The following ZNF521 variants were observed in gnomAD, a reference collection of about 807,000 sequenced individuals.
ZNF521 encodes the protein zinc finger protein 521, also known as LYST-interacting protein 3.
In ZNF521, 14 loss-of-function variants were observed where a neutral mutation model predicts 105.5. That is an observed-to-expected ratio of 0.13 (90% CI 0.09 to 0.21). The LOEUF (loss-of-function observed/expected upper bound fraction) is 0.21. Among genes scored for constraint, ZNF521 ranks in the 10% least tolerant of loss-of-function variants. The pLI, the probability that ZNF521 is intolerant of heterozygous loss-of-function variation, is 1.00. For missense variants in ZNF521, 1,233 were observed against 1,629.7 expected, an observed-to-expected ratio of 0.76 and a Z score of 4.19; for synonymous variants, 635 against 606.0, an observed-to-expected ratio of 1.05 and a Z score of -0.70.
chr18:25,180,341 T>C (rs1009332665), intron 5 of ZNF521, among the ~76,000 whole-genome samples: 1 of 152,164 alleles, frequency 6.6e-6, no homozygotes, highest in Non-Finnish European at 1.5e-5. Flanking sequence ...ATTTATCCCA[T>C]GTGATGGTAC....
intron 3 of ZNF521, among the ~76,000 whole-genome samples, chr18:25,317,017 G>A (rs980178518): frequency 5.3e-5 from 8 of 152,014 alleles, no homozygotes; most frequent in South Asian, 2.1e-4. Context: ...ACTATGCCCT[G>A]CTAACTTTTT....
At chr18:25,131,552 T>C (rs187291263) in intron 5 of ZNF521, among the ~76,000 whole-genome samples, 2 of 152,130 alleles carry the variant, frequency 1.3e-5, no homozygotes, top group Admixed American at 1.3e-4. Flanking sequence ...AAGACAAATA[T>C]CTATCATGAC....
intron 3 of ZNF521, among the ~76,000 whole-genome samples, chr18:25,268,279 C>T (rs915943624): frequency 1.3e-5 from 2 of 152,034 alleles, no homozygotes; most frequent in African/African-American, 4.8e-5. Flanking sequence ...AAATATGAGA[C>T]TATGTGAAAA....
At chr18:25,197,240 T>C (rs1015211876) in intron 4 of ZNF521, among the ~76,000 whole-genome samples, 9 of 151,972 alleles carry the variant, frequency 5.9e-5, no homozygotes, top group African/African-American at 1.7e-4. Context: ...AACAAAGCCA[T>C]ATTCTTATCT....
At chr18:25,296,647 T>G (rs982714314) in intron 3 of ZNF521, among the ~76,000 whole-genome samples, 1 of 152,156 alleles carries the variant, frequency 6.6e-6, no homozygotes, top group African/African-American at 2.4e-5. Flanking sequence ...CATCTAACTT[T>G]CTTTCTGGGA....
chr18:25,307,844 A>G (rs2145095140), intron 3 of ZNF521, among the ~76,000 whole-genome samples: 1 of 152,242 alleles, frequency 6.6e-6, no homozygotes, highest in South Asian at 2.1e-4. Flanking sequence ...ACCTTACAGA[A>G]AGGCCCTTGC....
chr18:25,302,823 G>A (rs551272227), intron 3 of ZNF521: 1 of 152,144 alleles, frequency 6.6e-6, no homozygotes, highest in Non-Finnish European at 1.5e-5. Context: ...AGAGAAAAAG[G>A]TCTGCCCATA....
intron 6 of ZNF521, 114 bp downstream of exon 6, chr18:25,091,836 T>G: frequency 7.7e-7 from 1 of 1,304,228 alleles, no homozygotes; most frequent in Non-Finnish European, 1.0e-6. Flanking sequence ...TCCCCCCAAA[T>G]TGAACTGAAG....
At chr18:25,160,362 G>A (rs902698273) in intron 5 of ZNF521, among the ~76,000 whole-genome samples, 4 of 152,158 alleles carry the variant, frequency 2.6e-5, no homozygotes, top group African/African-American at 9.7e-5. Context: ...CTGTCCAGAG[G>A]GTGAATGAAT....
chr18:25,238,963 T>C (rs1049307434), intron 3 of ZNF521, among the ~76,000 whole-genome samples: 1 of 152,168 alleles, frequency 6.6e-6, no homozygotes, highest in African/African-American at 2.4e-5. Context: ...TTCTTTCCCC[T>C]GAATCACCTA....
intron 3 of ZNF521, among the ~76,000 whole-genome samples, chr18:25,295,325 T>C (rs1016763078): frequency 1.3e-5 from 2 of 152,210 alleles, no homozygotes; most frequent in African/African-American, 4.8e-5. Flanking sequence ...TTCTTGAGGA[T>C]AGCCATCATT....
In ZNF521 at chr18:25,242,044, C is replaced by T. The variant is rs573464016; in HGVS notation, c.221-14347G>A. Among the ~76,000 whole-genome samples, 4 of 152,196 alleles carry T rather than the reference C, an allele frequency of 2.6e-5. No individual in the cohort carries two copies. In the South Asian group the frequency reaches 6.2e-4, roughly 24 times the overall value. On this transcript the variant is annotated intron_variant, in intron 3 of 7. Transcript: ENST00000361524. ...CAAATTAATTTACTGCATCAGTGATCGATGTTTATGTTTAGGCAATTTTAT... is the reference window on the plus strand; with the variant it reads ...CAAATTAATTTACTGCATCAGTGATTGATGTTTATGTTTAGGCAATTTTAT...
intron 3 of ZNF521, chr18:25,231,634 G>T (rs1906534608): frequency 6.6e-6 from 1 of 152,202 alleles, no homozygotes; most frequent in African/African-American, 2.4e-5. Context: ...AATGCTGAGG[G>T]TTCTGGCCAC....
intron 7 of ZNF521, among the ~76,000 whole-genome samples, chr18:25,064,599 T>C (rs1266920061): frequency 6.6e-6 from 1 of 152,176 alleles, no homozygotes; most frequent in Non-Finnish European, 1.5e-5. Flanking sequence ...AGGGAGCCAT[T>C]GGAGTATTTT....
intron 5 of ZNF521, among the ~76,000 whole-genome samples, chr18:25,194,631 G>T (rs2035872751): frequency 6.6e-6 from 1 of 151,626 alleles, no homozygotes; most frequent in Non-Finnish European, 1.5e-5. Flanking sequence ...AATGATCACT[G>T]AATTCTTTAC....
chr18:25,259,909 G>C (rs1015565655), intron 3 of ZNF521, among the ~76,000 whole-genome samples: 13 of 152,170 alleles, frequency 8.5e-5, no homozygotes, highest in African/African-American at 3.1e-4. Context: ...ACAGCATGAG[G>C]ACAGGCCAAG....
At chr18:25,129,070 C>A (rs2034589550) in intron 5 of ZNF521, among the ~76,000 whole-genome samples, 1 of 151,610 alleles carries the variant, frequency 6.6e-6, no homozygotes, top group Non-Finnish European at 1.5e-5. Flanking sequence ...CTACAGAAAT[C>A]AAGATAGTAT....
intron 3 of ZNF521, among the ~76,000 whole-genome samples, chr18:25,290,607 CTTTT>C (rs35687026): frequency 1.7e-5 from 2 of 116,214 alleles, no homozygotes; most frequent in South Asian, 5.6e-4. Context: ...AGGCCATATT[CTTTT>C]TTTTTTTTTT....
chr18:25,185,965 C>T (rs1405767595), intron 5 of ZNF521, among the ~76,000 whole-genome samples: 3 of 152,030 alleles, frequency 2.0e-5, no homozygotes, highest in South Asian at 2.1e-4. Context: ...ACAGGCTCTC[C>T]GTTTTCTATT....
Sources: gnomAD v4.1 joint callset for allele counts (sites outside exome capture counted in the v4.1 genomes callset) on GRCh38, gnomAD v4.1.1 for gene constraint, MANE v1.5 for transcripts, NCBI Gene and HGNC (gene_info 2026-07-23, HGNC 2026-07-21) for gene names.